Variants in SOCS2 observed in about 807,000 individuals in gnomAD.
The protein encoded by SOCS2 is suppressor of cytokine signaling 2, also known as CIS-2.
A neutral mutation model predicts 18.6 loss-of-function variants in SOCS2; 10 were observed. The ratio of observed to expected loss-of-function variants is 0.54; its 90% CI spans 0.33 to 0.91. SOCS2 has a LOEUF of 0.91. SOCS2 is among the 40% of genes least tolerant of loss of function. SOCS2 has a pLI of 0.02. For synonymous variants in SOCS2, 104 were observed against 104.0 expected (o/e 1.00, Z 0.00); for missense variants, 231 against 247.2 (o/e 0.93, Z 0.44).
chr12:93,618,202 G>A, the SOCS2 span, among the ~76,000 whole-genome samples: 1 of 152,084 alleles, frequency 6.6e-6, no homozygotes, highest in East Asian at 1.9e-4. Context: ...GGCCTCCCCA[G>A]AAGCTGATGC....
chr12:93,584,279 C>A (rs959206368), downstream of SOCS2, among the ~76,000 whole-genome samples: 2 of 151,588 alleles, frequency 1.3e-5, no homozygotes, highest in Non-Finnish European at 2.9e-5. Flanking sequence ...TAGGCTGTTA[C>A]CTCTCTCCCG....
the SOCS2 span, among the ~76,000 whole-genome samples, chr12:93,612,287 G>T: frequency 6.6e-6 from 1 of 152,104 alleles, no homozygotes; most frequent in African/African-American, 2.4e-5. Flanking sequence ...CTGCAGTCTA[G>T]GTTGATTCCT....
chr12:93,607,477 A>T, the SOCS2 span, among the ~76,000 whole-genome samples: 1 of 151,652 alleles, frequency 6.6e-6, no homozygotes, highest in East Asian at 1.9e-4. Context: ...GATAAAAAGG[A>T]TACACCCCAG....
the SOCS2 span, among the ~76,000 whole-genome samples, chr12:93,616,931 G>C: frequency 6.6e-6 from 1 of 152,076 alleles, no homozygotes; most frequent in African/African-American, 2.4e-5. Context: ...AAAAGTCAAG[G>C]CATCACTGTT....
chr12:93,614,583 CTTTCTTTCTTTCTTT>C, the SOCS2 span, among the ~76,000 whole-genome samples: 3 of 92,822 alleles, frequency 3.2e-5, no homozygotes, highest in African/African-American at 1.6e-4. Context: ...TTCTTTCTTT[CTTTCTTTCTTTCTTT>C]CTTTCTTTCT....
chr12:93,595,627 A>G, the SOCS2 span, among the ~76,000 whole-genome samples: 2 of 152,348 alleles, frequency 1.3e-5, no homozygotes, highest in South Asian at 4.1e-4. Context: ...TGACCAAAAG[A>G]AAAGACGTGC....
At chr12:93,596,087 G>T in the SOCS2 span, among the ~76,000 whole-genome samples, 1 of 152,086 alleles carries the variant, frequency 6.6e-6, no homozygotes, top group Non-Finnish European at 1.5e-5. Context: ...TTAAATGGTT[G>T]GATAGGACAG....
downstream of SOCS2, among the ~76,000 whole-genome samples, chr12:93,588,053 C>T (rs1362298176): frequency 6.6e-6 from 1 of 152,094 alleles, no homozygotes; most frequent in Non-Finnish European, 1.5e-5. Flanking sequence ...TGCAAGGGAC[C>T]CATGGATAAG....
downstream of SOCS2, among the ~76,000 whole-genome samples, chr12:93,587,953 G>A (rs1480887600): frequency 6.6e-6 from 1 of 152,212 alleles, no homozygotes; most frequent in Non-Finnish European, 1.5e-5. Flanking sequence ...TTGAACAACA[G>A]AGTGACCGCA....
In SOCS2 at chr12:93,573,503, G is replaced by A. The variant is rs878880806; in HGVS notation, c.139+467G>A. The A allele has an allele frequency of 3.9e-5, 11 of 283,944 alleles. No homozygotes were observed. The South Asian group carries it at 4.5e-4, about 12-fold the overall frequency. The allele number at this position is 283,944 out of a possible 1,614,324, so 17.6% of individuals were successfully genotyped here. A position where few individuals can be genotyped will look rare whatever the true frequency, so the allele number is the denominator to read the frequency against. On this transcript the variant is annotated intron_variant, in intron 1 of 1. Coordinates refer to ENST00000551556, the MANE Select transcript of SOCS2 (RefSeq NM_001270471.2). Reference sequence around the variant, plus strand: ...GTTCAGGGACTGACACTGCCGCGAGGGCGGCTGCCCGGGCGTCGAGAGTAG... The same window carrying A: ...GTTCAGGGACTGACACTGCCGCGAGAGCGGCTGCCCGGGCGTCGAGAGTAG...
chr12:93,605,371 A>C, the SOCS2 span, among the ~76,000 whole-genome samples: 3 of 152,202 alleles, frequency 2.0e-5, no homozygotes, highest in African/African-American at 7.2e-5. Flanking sequence ...CACAATGGGG[A>C]AAATACTTAA....
chr12:93,625,628 A>G, the SOCS2 span, among the ~76,000 whole-genome samples: 1 of 151,628 alleles, frequency 6.6e-6, no homozygotes, highest in East Asian at 1.9e-4. Context: ...CGTGCCTGTA[A>G]TCTTAGCTAC....
the SOCS2 span, among the ~76,000 whole-genome samples, chr12:93,614,464 TTCC>T: frequency 1.1e-5 from 1 of 93,730 alleles, no homozygotes; most frequent in South Asian, 3.5e-4. Flanking sequence ...CCTTCCTTCC[TTCC>T]TTCCTTCCTT....
At chr12:93,599,354 G>T in the SOCS2 span, among the ~76,000 whole-genome samples, 1 of 151,908 alleles carries the variant, frequency 6.6e-6, no homozygotes, top group African/African-American at 2.4e-5. Context: ...TATAGATGGG[G>T]TCTTGCAATG....
chr12:93,603,041 G>T, the SOCS2 span, among the ~76,000 whole-genome samples: 3 of 152,186 alleles, frequency 2.0e-5, no homozygotes, highest in Non-Finnish European at 4.4e-5. Flanking sequence ...GAAGTTACCA[G>T]ACTATTTAGT....
At chr12:93,593,636 T>G in the SOCS2 span, among the ~76,000 whole-genome samples, 565 of 152,292 alleles carry the variant, frequency 3.7e-3, 4 homozygotes, top group African/African-American at 0.012. Flanking sequence ...GCCAACTTTT[T>G]GGGAATTACA....
chr12:93,586,257 T>C (rs1366339218), downstream of SOCS2, among the ~76,000 whole-genome samples: 1 of 152,246 alleles, frequency 6.6e-6, no homozygotes, highest in African/African-American at 2.4e-5. Context: ...CCAGTGTCAA[T>C]ATTCAAGATA....
At chr12:93,572,449 C>A (rs1954289359), upstream of SOCS2, 1 of 356,660 alleles carries the variant, frequency 2.8e-6, no homozygotes, top group Non-Finnish European at 5.5e-6. This position sits in a 1 kb window ranked among gnomAD's most constrained non-coding sequence, Gnocchi z 5.0. Context: ...ACACCCTGTT[C>A]ACCCTCCTCC....
chr12:93,572,659 C>T (rs1164366628), upstream of SOCS2: 2 of 701,352 alleles, frequency 2.9e-6, no homozygotes, highest in Non-Finnish European at 5.2e-6. The surrounding 1 kb of genome is among the most constrained non-coding windows in gnomAD (Gnocchi z 5.0). Context: ...TTTGGACTGA[C>T]CCAACCTCCC....
Sources: allele counts gnomAD v4.1 joint callset (sites outside exome capture counted in the v4.1 genomes callset), GRCh38; gene constraint gnomAD v4.1.1; non-coding constraint Gnocchi (gnomAD v3.1); transcripts MANE v1.5; gene names NCBI Gene and HGNC (gene_info 2026-07-23, HGNC 2026-07-21).